Variants in AGO2 observed in about 807,000 individuals in gnomAD.
The protein encoded by AGO2 is protein argonaute-2.
Under a neutral mutation model 102.3 loss-of-function variants are expected in AGO2, and 5 were observed. The ratio of observed to expected loss-of-function variants is 0.05; its 90% confidence interval spans 0.03 to 0.10. The LOEUF is 0.10. AGO2 is among the 10% of genes least tolerant of loss of function. The pLI, the probability that AGO2 is intolerant of heterozygous loss-of-function variation, is 1.00. For missense variants in AGO2, 541 were observed against 1,183.7 expected (o/e 0.46, Z 7.97); for synonymous variants, 449 against 473.1 (o/e 0.95, Z 0.66).
At chr8:140,629,216 G>A (rs1474420148) in intron 1 of AGO2, among the ~76,000 whole-genome samples, 2 of 152,292 alleles carry the variant, frequency 1.3e-5, no homozygotes, top group East Asian at 3.9e-4. Context: ...AAACAGTAGG[G>A]GCCAGGCTCT....
intron 1 of AGO2, among the ~76,000 whole-genome samples, chr8:140,630,336 C>T (rs1279060882): frequency 6.6e-6 from 1 of 152,206 alleles, no homozygotes; most frequent in African/African-American, 2.4e-5. Context: ...CTGGAGGAAG[C>T]TCCCAGCACA....
intron 2 of AGO2, among the ~76,000 whole-genome samples, chr8:140,579,752 C>T (rs758557450): frequency 6.6e-6 from 1 of 151,948 alleles, no homozygotes; most frequent in African/African-American, 2.4e-5. Context: ...AGAGGGTACA[C>T]GATGTTTCTG....
chr8:140,632,878 T>A (rs549668359), intron 1 of AGO2, among the ~76,000 whole-genome samples: 1 of 152,168 alleles, frequency 6.6e-6, no homozygotes, highest in South Asian at 2.1e-4. Context: ...CAATTGGAAG[T>A]AGCAAAACTA....
chr8:140,567,862 C>T lies in AGO2; in HGVS notation c.336+4950G>A, dbSNP rs778216840. Among the ~76,000 whole-genome samples the T allele has an allele frequency of 2.0e-5, 3 of 152,174 alleles. No individual in the cohort carries two copies. The highest frequency in any genetic ancestry group is 2.9e-5 in the Non-Finnish European group (2 of 68,026). ...TGCAAAGAGGCCAGCCTGGGGCTCA[C>T]GCCTGTAATCCCAGTACCGTGGGAG... is the stretch of plus-strand genomic sequence containing the variant. On this transcript the variant is annotated intron_variant, in intron 3 of 18. Coordinates refer to ENST00000220592, the MANE Select transcript of AGO2 (RefSeq NM_012154.5). This position sits in a 1 kb window ranked among gnomAD's most constrained non-coding sequence, Gnocchi z 5.0.
At chr8:140,545,279 C>G (rs924652633) in intron 13 of AGO2, among the ~76,000 whole-genome samples, 5 of 152,148 alleles carry the variant, frequency 3.3e-5, no homozygotes, top group Admixed American at 3.3e-4. Flanking sequence ...AACAGGGCTC[C>G]TCTCCCCAAG....
rs145507618 is a variant in AGO2, at chr8:140,536,658, G to A, written c.2170-1089C>T. Among the ~76,000 whole-genome samples the A allele has an allele frequency of 2.5e-3, 380 of 152,316 alleles. 1 individual carries two copies. Among genetic ancestry groups the A allele is most frequent in the African/African-American group, 8.3e-3 (346 of 41,578 alleles). On this transcript the variant is annotated intron_variant, in intron 16 of 18. Transcript: ENST00000220592. ...TCTTTTCAAAGTAGGTTTGGATTTT[G>A]TTCATCTGCTTTATTTCTTCTTCAG...
At chr8:140,569,178 C>T (rs939990224) in intron 3 of AGO2, among the ~76,000 whole-genome samples, 6 of 152,226 alleles carry the variant, frequency 3.9e-5, no homozygotes, top group Non-Finnish European at 7.3e-5. Context: ...CACAGAGAGG[C>T]GGACAGGCAG....
At chr8:140,603,416 C>T (rs10481413) in intron 1 of AGO2, among the ~76,000 whole-genome samples, 58,999 of 152,094 alleles carry the variant, frequency 0.39, 12,708 homozygotes, top group Non-Finnish European at 0.49. Flanking sequence ...TTCCAGTGCA[C>T]ACTGAGGTGG....
At chr8:140,600,050 CAA>C (rs2073909817) in intron 1 of AGO2, among the ~76,000 whole-genome samples, 1 of 152,174 alleles carries the variant, frequency 6.6e-6, no homozygotes, top group South Asian at 2.1e-4. Flanking sequence ...CAAATGGACA[CAA>C]AGACACATGC....
intron 3 of AGO2, among the ~76,000 whole-genome samples, chr8:140,565,770 C>A (rs2977459): frequency 0.76 from 115,911 of 151,816 alleles, 45,017 homozygotes; most frequent in East Asian, 0.99. Context: ...TAGTAGTTTA[C>A]GTTTTGGGGG....
At chr8:140,568,470 T>C (rs1018108227) in intron 3 of AGO2, among the ~76,000 whole-genome samples, 15 of 152,194 alleles carry the variant, frequency 9.9e-5, no homozygotes, top group Admixed American at 8.5e-4. Context: ...AGGCGTGGCA[T>C]GTCTGGCTGG....
chr8:140,542,573 G>GA (rs199982320), intron 14 of AGO2, among the ~76,000 whole-genome samples: 11,200 of 101,418 alleles, frequency 0.11, 574 homozygotes, highest in African/African-American at 0.16. Flanking sequence ...CTGAAAACTT[G>GA]AAAAAAAAAA....
chr8:140,578,644 T>C (rs1043123151), intron 2 of AGO2, among the ~76,000 whole-genome samples: 21 of 152,240 alleles, frequency 1.4e-4, no homozygotes, highest in Non-Finnish European at 7.3e-5. Flanking sequence ...TTCATTTGCA[T>C]GCATTCCGTC....
At position 140,627,412 on chromosome 8, in the gene AGO2, G is replaced by A. The variant is rs549405979; in HGVS notation, c.22+8073C>T. On this transcript the variant is annotated intron_variant, in intron 1 of 18. Coordinates refer to ENST00000220592, the MANE Select transcript of AGO2 (RefSeq NM_012154.5). The stretch of plus-strand genomic sequence containing the variant: ...TCAGTTTTTGATCTTTTTATGTGCA[G>A]CTGCAAGATGAAAGTTTCTAGTGGC... Among the ~76,000 whole-genome samples, 15 of 152,298 alleles carry A rather than the reference G, an allele frequency of 9.8e-5. No homozygotes were observed. The South Asian group carries it at 3.1e-3, about 32-fold the overall frequency.
chr8:140,624,833 A>C (rs2074255574), intron 1 of AGO2, among the ~76,000 whole-genome samples: 1 of 152,228 alleles, frequency 6.6e-6, no homozygotes, highest in Non-Finnish European at 1.5e-5. Flanking sequence ...TGGGATCTGC[A>C]ATGAGAAACG....
At chr8:140,546,975 C>G (rs531102260) in intron 13 of AGO2, among the ~76,000 whole-genome samples, 1 of 152,160 alleles carries the variant, frequency 6.6e-6, no homozygotes, top group Non-Finnish European at 1.5e-5. Context: ...CCTCTGAGAC[C>G]GGCAGGTGGC....
At chr8:140,607,890 G>A (rs1456520214) in intron 1 of AGO2, among the ~76,000 whole-genome samples, 3 of 152,236 alleles carry the variant, frequency 2.0e-5, no homozygotes, top group Admixed American at 6.5e-5. Flanking sequence ...TGGACTTAAC[G>A]CAGTTGAGTT....
At chr8:140,563,738 G>A (rs767160908) in intron 3 of AGO2, among the ~76,000 whole-genome samples, 13 of 152,064 alleles carry the variant, frequency 8.5e-5, no homozygotes, top group Non-Finnish European at 1.6e-4. Context: ...TGCACCTGAG[G>A]TGCCCTCCCT....
chr8:140,598,292 G>T (rs796766839), intron 1 of AGO2, among the ~76,000 whole-genome samples: 1 of 152,170 alleles, frequency 6.6e-6, no homozygotes, highest in Non-Finnish European at 1.5e-5. Context: ...GCACCAAAAA[G>T]AATTCTCTTC....
Sources: gnomAD v4.1 joint callset for allele counts (sites outside exome capture counted in the v4.1 genomes callset) on GRCh38, gnomAD v4.1.1 for gene constraint, Gnocchi (gnomAD v3.1) non-coding constraint, MANE v1.5 for transcripts, NCBI Gene and HGNC (gene_info 2026-07-23, HGNC 2026-07-21) for gene names.